The following SV2C variants were observed in gnomAD, a reference collection of about 807,000 sequenced individuals.
SV2C encodes the protein synaptic vesicle glycoprotein 2C.
Under a neutral mutation model 79.7 loss-of-function variants are expected in SV2C, and 49 were observed. The observed-to-expected ratio is 0.61, with a 90% CI of 0.49 to 0.78. The LOEUF (loss-of-function observed/expected upper bound fraction) is 0.78, where lower values mean the gene tolerates loss of function less well. Among genes scored for constraint, SV2C ranks in the 30% least tolerant of loss-of-function variants. SV2C has a pLI of 0.00. For missense variants in SV2C, 833 were observed against 912.9 expected, an observed-to-expected ratio of 0.91 and a Z score of 1.13; for synonymous variants, 334 against 333.2, an observed-to-expected ratio of 1.00 and a Z score of -0.03.
chr5:76,257,991 T>G (rs1207059175), intron 4 of SV2C, among the ~76,000 whole-genome samples: 1 of 148,948 alleles, frequency 6.7e-6, no homozygotes, highest in African/African-American at 2.5e-5. Context: ...TAAATGGGTG[T>G]ATGTAGTATG....
intron 3 of SV2C, among the ~76,000 whole-genome samples, chr5:76,206,633 G>A (rs1465704479): frequency 6.6e-6 from 1 of 152,242 alleles, no homozygotes; most frequent in Non-Finnish European, 1.5e-5. Flanking sequence ...CAACATTGAA[G>A]AGTCTGGGAA....
the SV2C span, among the ~76,000 whole-genome samples, chr5:76,020,216 G>A: frequency 6.6e-6 from 1 of 152,174 alleles, no homozygotes; most frequent in Non-Finnish European, 1.5e-5. Context: ...TTCCTGAAGG[G>A]AAGAGCAGGG....
intron 3 of SV2C, among the ~76,000 whole-genome samples, chr5:76,197,185 A>G (rs900891219): frequency 5.3e-5 from 8 of 152,232 alleles, no homozygotes; most frequent in Non-Finnish European, 1.2e-4. Context: ...ATCAAATGAG[A>G]TGATGTATTG....
the SV2C span, among the ~76,000 whole-genome samples, chr5:75,974,127 A>G: frequency 2.0e-5 from 3 of 152,094 alleles, no homozygotes; most frequent in South Asian, 2.1e-4. Context: ...TCTGCCTTCA[A>G]TGAAACAATA....
chr5:76,191,436 C>T (rs1744100958), intron 2 of SV2C, among the ~76,000 whole-genome samples: 1 of 152,148 alleles, frequency 6.6e-6, no homozygotes, highest in Non-Finnish European at 1.5e-5. Context: ...CCATGCATTA[C>T]TGAAGTGCTT....
chr5:76,111,194 G>A (rs749681612), intron 1 of SV2C, among the ~76,000 whole-genome samples: 1 of 151,932 alleles, frequency 6.6e-6, no homozygotes, highest in Non-Finnish European at 1.5e-5. Flanking sequence ...AAGTGGGGAC[G>A]GATTCTAAAA....
chr5:76,221,971 C>T (rs1034857866), intron 4 of SV2C, among the ~76,000 whole-genome samples: 1 of 152,040 alleles, frequency 6.6e-6, no homozygotes, highest in Non-Finnish European at 1.5e-5. Flanking sequence ...GTGAATAAAT[C>T]GTGAATACAT....
At chr5:75,953,445 T>G in the SV2C span, among the ~76,000 whole-genome samples, 2 of 152,030 alleles carry the variant, frequency 1.3e-5, no homozygotes, top group Non-Finnish European at 2.9e-5. Flanking sequence ...ACCTGTTTCT[T>G]TCATGGATTC....
the SV2C span, among the ~76,000 whole-genome samples, chr5:75,931,576 G>A: frequency 6.6e-6 from 1 of 152,150 alleles, no homozygotes; most frequent in African/African-American, 2.4e-5. Context: ...ACTTGTTTGG[G>A]GGCCAATCCA....
chr5:76,060,847 A>G, the SV2C span, among the ~76,000 whole-genome samples: 9 of 152,084 alleles, frequency 5.9e-5, no homozygotes, highest in Admixed American at 4.6e-4. Context: ...GAAGCTTATT[A>G]ATATCTAGCT....
chr5:75,882,893 G>A, the SV2C span, among the ~76,000 whole-genome samples: 3 of 151,990 alleles, frequency 2.0e-5, no homozygotes, highest in African/African-American at 7.2e-5. Flanking sequence ...TACCATCAGA[G>A]TAAAGAGGCA....
intron 1 of SV2C, among the ~76,000 whole-genome samples, chr5:76,123,173 C>T (rs1231029668): frequency 1.3e-5 from 2 of 152,094 alleles, no homozygotes; most frequent in African/African-American, 2.4e-5. Flanking sequence ...CAAGACTAAA[C>T]CAGGAAGAAG....
intron 3 of SV2C, among the ~76,000 whole-genome samples, chr5:76,205,561 T>A (rs1005670558): frequency 2.0e-5 from 3 of 152,196 alleles, no homozygotes; most frequent in African/African-American, 7.2e-5. Context: ...TTTATGTAAA[T>A]GTTCCATTAA....
intron 2 of SV2C, among the ~76,000 whole-genome samples, chr5:76,134,720 G>GTA (rs1749012009): frequency 6.6e-6 from 1 of 152,138 alleles, no homozygotes; most frequent in South Asian, 2.1e-4. Context: ...TAGTCTGTGT[G>GTA]TATATATAAC....
the SV2C span, among the ~76,000 whole-genome samples, chr5:75,966,619 T>C: frequency 2.6e-5 from 4 of 152,348 alleles, no homozygotes; most frequent in South Asian, 2.1e-4. Context: ...TTAATTTGCA[T>C]GTAATTAAAA....
At chr5:75,957,627 C>T in the SV2C span, among the ~76,000 whole-genome samples, 4 of 152,058 alleles carry the variant, frequency 2.6e-5, no homozygotes, top group Non-Finnish European at 5.9e-5. Context: ...TGACATTCCA[C>T]ATAACATCAG....
chr5:75,848,585 G>T, the SV2C span, among the ~76,000 whole-genome samples: 1 of 152,140 alleles, frequency 6.6e-6, no homozygotes, highest in Non-Finnish European at 1.5e-5. Flanking sequence ...TCTGCCATTA[G>T]AAAATCCACA....
the SV2C span, among the ~76,000 whole-genome samples, chr5:75,993,481 A>G: frequency 2.6e-5 from 4 of 152,068 alleles, no homozygotes; most frequent in Non-Finnish European, 5.9e-5. Context: ...AGACCAAGCT[A>G]ATGCTTTCAC....
intron 4 of SV2C, among the ~76,000 whole-genome samples, chr5:76,256,936 C>G (rs1393565770): frequency 2.0e-5 from 3 of 152,240 alleles, no homozygotes; most frequent in African/African-American, 7.2e-5. Flanking sequence ...GAACTTCTAC[C>G]TGCCTCTAGC....
Sources: allele counts gnomAD v4.1 joint callset (sites outside exome capture counted in the v4.1 genomes callset), GRCh38; gene constraint gnomAD v4.1.1; transcripts MANE v1.5; gene names NCBI Gene and HGNC (gene_info 2026-07-23, HGNC 2026-07-21).